Variants in OSER1 observed in about 807,000 individuals in gnomAD.
The protein encoded by OSER1 is oxidative stress responsive serine rich 1, also known as oxidative stress-responsive serine-rich protein 1.
In OSER1, 15 loss-of-function variants were observed where a neutral mutation model predicts 26.3. That is an observed-to-expected ratio of 0.57 (90% confidence interval 0.38 to 0.88). The LOEUF is 0.88. OSER1 is among the 40% of genes least tolerant of loss of function. OSER1 has a pLI of 0.00. For synonymous variants in OSER1, 127 were observed against 128.2 expected (o/e 0.99, Z 0.07); for missense variants, 313 against 353.9 (o/e 0.88, Z 0.93).
chr20:44,202,963 G>A lies in OSER1; in HGVS notation c.189C>T (p.His63=), dbSNP rs151077407. The change falls in exon 3 of 4, where the codon CAC becomes CAT. Residue 63 remains histidine (H), a splice_region_variant and synonymous_variant. Transcript: ENST00000255174. ...TCATCTCAATAAGAAGCTCTTACCC[G>A]TGCCAACTGTCTTTAGATGCACATG... The part of the protein sequence containing the change: ...KTTCASKDSW[H]GSTRKSSRGA... 183 of 1,566,092 alleles carry A rather than the reference G, an allele frequency of 1.2e-4. No individual in the cohort carries two copies. Among genetic ancestry groups the A allele is most frequent in the East Asian group, 1.1e-3 (48 of 44,598 alleles).
chr20:44,201,991 C>A lies in OSER1; in HGVS notation c.191+970G>T, dbSNP rs1022785797. 5.9e-5 allele frequency among the ~76,000 whole-genome samples: 9 copies of A among 152,284 alleles called. 1 individual carries two copies. The highest frequency in any genetic ancestry group is 1.9e-4 in the East Asian group (1 of 5,188). On this transcript the variant is annotated intron_variant, in intron 3 of 3. Transcript: ENST00000255174. ...ACTAAACTCAGCAGTTAAAAACAAA[C>A]TGATCACATTGAATAAAACAGAAAA...
In OSER1 at chr20:44,203,047, T is replaced by C. The variant is rs1274804455; in HGVS notation, c.105A>G (p.Glu35=). ...SGSVASLSVG[E]GTGVRAPVRT... ...TGACTGGTGCTCTGACACCTGTGCC[T>C]TCTCCAACAGACAGAGATGCTACAG... Residue 35 remains glutamate (E), a synonymous_variant, in exon 3 of 4, where the codon GAA becomes GAG. Coordinates refer to ENST00000255174, the MANE Select transcript of OSER1 (RefSeq NM_016470.8). The C allele has an allele frequency of 6.2e-7, 1 of 1,611,042 alleles. No homozygotes were observed. Among genetic ancestry groups the C allele is most frequent in the South Asian group, 1.1e-5 (1 of 91,004 alleles).
At chr20:44,208,838 C>G (rs998055111) in intron 1 of OSER1, among the ~76,000 whole-genome samples, 2 of 152,208 alleles carry the variant, frequency 1.3e-5, no homozygotes, top group African/African-American at 4.8e-5. Flanking sequence ...ATCTCCCCAA[C>G]CCGCAGACCG....
At chr20:44,205,620 A>G (rs1280484563) in intron 2 of OSER1, among the ~76,000 whole-genome samples, 2 of 152,172 alleles carry the variant, frequency 1.3e-5, no homozygotes, top group Non-Finnish European at 2.9e-5. Context: ...TATCGCCTTC[A>G]AGGTACCACA....
intron 3 of OSER1, among the ~76,000 whole-genome samples, chr20:44,198,952 G>C (rs1386073067): frequency 6.6e-6 from 1 of 152,088 alleles, no homozygotes; most frequent in South Asian, 2.1e-4. Flanking sequence ...CTTCGTCCAG[G>C]GTATCCACAC....
intron 3 of OSER1, among the ~76,000 whole-genome samples, chr20:44,200,081 C>G (rs2072965045): frequency 6.6e-6 from 1 of 152,222 alleles, no homozygotes; most frequent in African/African-American, 2.4e-5. Context: ...CCTATTCTCC[C>G]TGCCCGCCTT....
intron 2 of OSER1, among the ~76,000 whole-genome samples, chr20:44,205,714 G>A (rs966941310): frequency 6.6e-6 from 1 of 152,024 alleles, no homozygotes; most frequent in African/African-American, 2.4e-5. Context: ...GCCGAGGTGG[G>A]TGGATCACCA....
intron 3 of OSER1, among the ~76,000 whole-genome samples, chr20:44,200,963 C>CAACTAT (rs2072975951): frequency 6.6e-6 from 1 of 152,198 alleles, no homozygotes; most frequent in African/African-American, 2.4e-5. Context: ...AATATAATGT[C>CAACTAT]AACTATATCA....
chr20:44,201,269 TTCTG>T (rs1411806600), intron 3 of OSER1, among the ~76,000 whole-genome samples: 4 of 152,320 alleles, frequency 2.6e-5, no homozygotes, highest in Middle Eastern at 6.8e-3. Context: ...CACTATACCA[TTCTG>T]TCTAACAGAC....
At chr20:44,201,967 C>T (rs1402084890) in intron 3 of OSER1, among the ~76,000 whole-genome samples, 1 of 152,164 alleles carries the variant, frequency 6.6e-6, no homozygotes, top group Non-Finnish European at 1.5e-5. Context: ...TGTAAATGCA[C>T]TAAACTCAGC....
At chr20:44,202,238 T>C (rs542215237) in intron 3 of OSER1, among the ~76,000 whole-genome samples, 2 of 151,816 alleles carry the variant, frequency 1.3e-5, no homozygotes, top group Non-Finnish European at 2.9e-5. Flanking sequence ...TACCCGGGCA[T>C]GGTGGCGGGC....
upstream of OSER1, chr20:44,211,203 G>C (rs1246409840): frequency 1.3e-5 from 2 of 152,370 alleles, no homozygotes; most frequent in Non-Finnish European, 2.9e-5. Context: ...GGCGAGGACA[G>C]GGTGCGGGGG....
chr20:44,198,574 A>G lies in OSER1; in HGVS notation c.192-835T>C, dbSNP rs549988357. ...GCAGAGCTTGCAGTGAGCTGAGATCACGCCACTGTACTCCAGCCTGGGCAA... is the reference window on the plus strand; with the variant it reads ...GCAGAGCTTGCAGTGAGCTGAGATCGCGCCACTGTACTCCAGCCTGGGCAA... On this transcript the variant is annotated intron_variant, in intron 3 of 3. Coordinates refer to ENST00000255174, the MANE Select transcript of OSER1 (RefSeq NM_016470.8). 7.1e-3 allele frequency among the ~76,000 whole-genome samples: 1,077 copies of G among 152,210 alleles called. 7 individuals are homozygous for G. The highest frequency in any genetic ancestry group is 0.012 in the Non-Finnish European group (807 of 68,000).
intron 2 of OSER1, among the ~76,000 whole-genome samples, chr20:44,203,340 C>T (rs556820020): frequency 3.0e-4 from 45 of 152,208 alleles, no homozygotes; most frequent in Non-Finnish European, 5.4e-4. Context: ...AGGCTGTTTC[C>T]CTGGGGCAGA....
chr20:44,209,484 A>G (rs892042722), intron 1 of OSER1, among the ~76,000 whole-genome samples: 5 of 152,248 alleles, frequency 3.3e-5, no homozygotes, highest in African/African-American at 1.2e-4. Context: ...GACAACAGAT[A>G]TAATTGGCTT....
In OSER1 at chr20:44,203,050, T is replaced by TGA. The variant is rs774542814; in HGVS notation, c.101_102insTC (p.Glu35GlnfsTer41). 1 of 1,610,412 alleles carries TGA rather than the reference T, an allele frequency of 6.2e-7. No individual in the cohort carries two copies. The highest frequency in any genetic ancestry group is 1.3e-5 in the African/African-American group (1 of 74,842). ...CTGGTGCTCTGACACCTGTGCCTTC[T>TGA]CCAACAGACAGAGATGCTACAGACC... On this transcript the variant is annotated frameshift_variant, in exon 3 of 4. Transcript: ENST00000255174. LOFTEE classifies it high-confidence loss of function.
chr20:44,210,182 A>C (rs994300266), intron 1 of OSER1: 5 of 152,672 alleles, frequency 3.3e-5, no homozygotes, highest in African/African-American at 1.2e-4. Flanking sequence ...GGACAACGCC[A>C]AGCAGGGAGC....
At chr20:44,209,344 C>T (rs1476600003) in intron 1 of OSER1, among the ~76,000 whole-genome samples, 4 of 152,142 alleles carry the variant, frequency 2.6e-5, no homozygotes, top group Admixed American at 2.6e-4. Flanking sequence ...TTATTTTAGC[C>T]AAGAGCAAAT....
chr20:44,201,949 C>T (rs2072986530), intron 3 of OSER1, among the ~76,000 whole-genome samples: 1 of 152,072 alleles, frequency 6.6e-6, no homozygotes. Context: ...TACCAATAAT[C>T]AAATAAATGT....
Sources: allele counts gnomAD v4.1 joint callset (sites outside exome capture counted in the v4.1 genomes callset), GRCh38; gene constraint gnomAD v4.1.1; transcripts MANE v1.5; gene names NCBI Gene and HGNC (gene_info 2026-07-23, HGNC 2026-07-21).